FANCB: variants seen among roughly 807,000 people sequenced by gnomAD.
FANCB encodes Fanconi anemia group B protein.
A neutral mutation model predicts 38.9 loss-of-function variants in FANCB; 5 were observed. The observed-to-expected ratio is 0.13, with a 90% CI of 0.07 to 0.27. The LOEUF (loss-of-function observed/expected upper bound fraction) is 0.27, where lower values mean the gene tolerates loss of function less well. Ranked by LOEUF, FANCB falls within the 10% of genes least tolerant of loss-of-function variation. The probability of loss-of-function intolerance (pLI) is 1.00; values close to 1 mark genes in which losing one functional copy is unlikely to be tolerated. For missense variants in FANCB, 573 were observed against 602.7 expected (o/e 0.95, Z 0.52); for synonymous variants, 236 against 215.4 (o/e 1.10, Z -0.84).
At chrX:14,707,292 G>C in the FANCB span, among the ~76,000 whole-genome samples, 11 of 111,589 alleles carry the variant, frequency 9.9e-5, no homozygotes, top group South Asian at 7.6e-4. Flanking sequence ...TGGGTGATTA[G>C]AGTCATGGCC....
chrX:14,695,666 A>G, the FANCB span, among the ~76,000 whole-genome samples: 2 of 111,999 alleles, frequency 1.8e-5, no homozygotes, highest in Non-Finnish European at 3.8e-5. Context: ...GTGCTTCACC[A>G]TTGTACAAAC....
chrX:14,861,475 A>G (rs2092446595), intron 3 of FANCB, among the ~76,000 whole-genome samples: 1 of 111,565 alleles, frequency 9.0e-6, no homozygotes, highest in Non-Finnish European at 1.9e-5. Flanking sequence ...AGGTAATAAA[A>G]GAATAGATGG....
chrX:14,698,473 G>A, the FANCB span, among the ~76,000 whole-genome samples: 1 of 109,244 alleles, frequency 9.2e-6, no homozygotes, highest in Non-Finnish European at 1.9e-5. Flanking sequence ...GAGGGCAAGA[G>A]TTTGAGACCA....
chrX:14,773,747 G>A, the FANCB span, among the ~76,000 whole-genome samples: 2 of 112,106 alleles, frequency 1.8e-5, no homozygotes, highest in Non-Finnish European at 3.8e-5. Context: ...ACCTGAAGCA[G>A]GAGATATATA....
In FANCB at chrX:14,852,962, C is replaced by T. The variant is rs761187224; in HGVS notation, c.1326+77G>A. 2.2e-5 allele frequency: 21 copies of T among 951,220 alleles called. No homozygotes were observed. In the African/African-American group the frequency reaches 3.9e-4, roughly 18 times the overall value. 78.4% of individuals were successfully genotyped at this position (951,220 alleles called of 1,213,427 possible). A position where few individuals can be genotyped will look rare whatever the true frequency, so the allele number is the denominator to read the frequency against. On this transcript the variant is annotated intron_variant, in intron 6 of 9. Coordinates refer to ENST00000650831, the MANE Select transcript of FANCB (RefSeq NM_001018113.3). Reference sequence around the variant, plus strand: ...GCATTTTCTAATATATTCTAATATTCCAATTTAAATAACTTTTCAATAGCT... The same window carrying T: ...GCATTTTCTAATATATTCTAATATTTCAATTTAAATAACTTTTCAATAGCT...
chrX:14,754,018 C>T, the FANCB span, among the ~76,000 whole-genome samples: 3 of 112,105 alleles, frequency 2.7e-5, no homozygotes, highest in Non-Finnish European at 3.8e-5. Flanking sequence ...ATGTTTGCCC[C>T]CTCCCCCTCC....
chrX:14,845,526 A>G (rs1007901462), intron 7 of FANCB, among the ~76,000 whole-genome samples: 1 of 112,029 alleles, frequency 8.9e-6, no homozygotes, highest in Non-Finnish European at 1.9e-5. Flanking sequence ...AGGTTTTAGG[A>G]AAGTAAAATT....
At chrX:14,809,879 T>C in the FANCB span, among the ~76,000 whole-genome samples, 1 of 112,361 alleles carries the variant, frequency 8.9e-6, no homozygotes, top group Non-Finnish European at 1.9e-5. Context: ...GACTGCCTCC[T>C]CAAGTGGGTC....
chrX:14,693,276 GTGGATAAAGA>G, the FANCB span, among the ~76,000 whole-genome samples: 1 of 112,012 alleles, frequency 8.9e-6, no homozygotes, highest in Non-Finnish European at 1.9e-5. Flanking sequence ...CAAAGTAACT[GTGGATAAAGA>G]TATCTCATGC....
the FANCB span, among the ~76,000 whole-genome samples, chrX:14,700,179 C>A: frequency 1.8e-5 from 2 of 111,496 alleles, no homozygotes; most frequent in Non-Finnish European, 3.8e-5. Context: ...GGAGAGAGGA[C>A]TGGGTTGGAC....
chrX:14,692,343 C>T, the FANCB span, among the ~76,000 whole-genome samples: 3 of 112,407 alleles, frequency 2.7e-5, no homozygotes, highest in East Asian at 8.3e-4. Context: ...GTCCAGCACA[C>T]AGCAGCAAAA....
chrX:14,731,154 A>AAAAT, the FANCB span: 2 of 112,306 alleles, frequency 1.8e-5, no homozygotes, highest in Non-Finnish European at 3.8e-5. Flanking sequence ...TAACAATGAC[A>AAAAT]AAATAAACAC....
chrX:14,867,457 A>G (rs957483790), intron 2 of FANCB, among the ~76,000 whole-genome samples: 1 of 111,557 alleles, frequency 9.0e-6, no homozygotes, highest in African/African-American at 3.3e-5. Flanking sequence ...ATTTTTGACA[A>G]AGGTGCCAAG....
chrX:14,726,765 G>T, the FANCB span, among the ~76,000 whole-genome samples: 1 of 112,485 alleles, frequency 8.9e-6, no homozygotes, highest in Non-Finnish European at 1.9e-5. Flanking sequence ...TTAAATGAAT[G>T]AGTCAATCTG....
intron 2 of FANCB, among the ~76,000 whole-genome samples, chrX:14,868,257 A>G (rs2092478996): frequency 8.9e-6 from 1 of 111,896 alleles, no homozygotes; most frequent in South Asian, 3.7e-4. Context: ...CTGCACCCCC[A>G]TGTTTATTCA....
chrX:14,826,204 T>A, the FANCB span, among the ~76,000 whole-genome samples: 1 of 111,798 alleles, frequency 8.9e-6, no homozygotes, highest in South Asian at 3.7e-4. Context: ...ATGAAAACTG[T>A]TTGTGCATTT....
At chrX:14,797,293 T>A in the FANCB span, among the ~76,000 whole-genome samples, 2 of 111,598 alleles carry the variant, frequency 1.8e-5, no homozygotes, top group Non-Finnish European at 3.8e-5. Context: ...CCCCAAAACA[T>A]GTGATCTAAA....
the FANCB span, among the ~76,000 whole-genome samples, chrX:14,801,040 AAGCAG>A: frequency 1.3e-4 from 11 of 86,075 alleles, no homozygotes; most frequent in East Asian, 2.5e-3. Context: ...GAAATTACCG[AAGCAG>A]AAGCAGAAGC....
At chrX:14,707,837 A>ATAATTGACAAT in the FANCB span, among the ~76,000 whole-genome samples, 37 of 111,111 alleles carry the variant, frequency 3.3e-4, no homozygotes, top group African/African-American at 1.2e-3. Flanking sequence ...GCTTTAAGGT[A>ATAATTGACAAT]TAATTGACAA....
Sources: allele counts gnomAD v4.1 joint callset (sites outside exome capture counted in the v4.1 genomes callset), GRCh38; gene constraint gnomAD v4.1.1; transcripts MANE v1.5; gene names NCBI Gene and HGNC (gene_info 2026-07-23, HGNC 2026-07-21).